SIMC1: variants seen among roughly 807,000 people sequenced by gnomAD.
The protein encoded by SIMC1 is SUMO-interacting motif-containing protein 1.
A neutral mutation model predicts 82.3 loss-of-function variants in SIMC1; 55 were observed. That is an observed-to-expected ratio of 0.67 (90% CI 0.54 to 0.84). SIMC1 has a LOEUF of 0.84. SIMC1 is among the 40% of genes least tolerant of loss of function. The probability of loss-of-function intolerance (pLI) is 0.00; values close to 1 mark genes in which losing one functional copy is unlikely to be tolerated. For missense variants in SIMC1, 915 were observed against 1,107.2 expected, an observed-to-expected ratio of 0.83 and a Z score of 2.46; for synonymous variants, 353 against 426.3, an observed-to-expected ratio of 0.83 and a Z score of 2.12.
chr5:176,296,051 A>G (rs1480924124), intron 3 of SIMC1, 200 bp from the exon 4 acceptor site: 1 of 946,740 alleles, frequency 1.1e-6, no homozygotes, highest in East Asian at 2.7e-5. Flanking sequence ...AAGCTTTCCA[A>G]AAGGGGACTG....
intron 1 of SIMC1, among the ~76,000 whole-genome samples, chr5:176,276,859 T>TG (rs1762729513): frequency 6.7e-6 from 1 of 148,590 alleles, no homozygotes; most frequent in South Asian, 2.1e-4. Context: ...GTTGGACATT[T>TG]GGGTTGGTTC....
At chr5:176,335,680 G>C (rs961012242) in intron 7 of SIMC1, among the ~76,000 whole-genome samples, 3 of 152,022 alleles carry the variant, frequency 2.0e-5, no homozygotes, top group Non-Finnish European at 2.9e-5. Flanking sequence ...GTAGATCTCT[G>C]AGTTTACCAT....
At chr5:176,291,296 T>C (rs1342884395) in intron 2 of SIMC1, among the ~76,000 whole-genome samples, 2 of 150,512 alleles carry the variant, frequency 1.3e-5, no homozygotes, top group African/African-American at 4.9e-5. Context: ...CCCTAGCAGC[T>C]GGGACTACAG....
chr5:176,304,738 TGAG>T (rs1256609184), intron 4 of SIMC1, among the ~76,000 whole-genome samples: 3 of 149,460 alleles, frequency 2.0e-5, no homozygotes, highest in Non-Finnish European at 3.0e-5. Flanking sequence ...ATCTAGGAAG[TGAG>T]GAGCGCCTCT....
At chr5:176,277,622 T>C (rs1439478081) in intron 1 of SIMC1, among the ~76,000 whole-genome samples, 2 of 152,200 alleles carry the variant, frequency 1.3e-5, no homozygotes, top group Middle Eastern at 3.4e-3. Context: ...AATTGATTTT[T>C]GTATAAGGTG....
chr5:176,305,551 T>C (rs867010436), intron 4 of SIMC1, among the ~76,000 whole-genome samples: 562 of 103,304 alleles, frequency 5.4e-3, no homozygotes, highest in Middle Eastern at 0.024. Context: ...GCCCCCCGCC[T>C]GGCCAGCCGC....
Position 176,295,138 on chromosome 5 carries a change from G to A in SIMC1, c.1540G>A (p.Val514Met). 6.2e-7 allele frequency: 1 copy of A among 1,613,574 alleles called. No individual in the cohort carries two copies. The highest frequency in any genetic ancestry group is 8.5e-7 in the Non-Finnish European group (1 of 1,179,684). ...LGTVQFLMDF[V>M]SPQHYPPREI... is the part of the protein sequence containing the mutation. ...GACTGTGCAGTTTTTGATGGACTTT[G>A]TGTCACCCCAGCATTACCCACCAAG... Residue 514 changes from valine (V) to methionine (M), a missense_variant, in exon 3 of 10, where the codon GTG becomes ATG. Coordinates refer to ENST00000429602, the MANE Select transcript of SIMC1 (RefSeq NM_001308195.2).
At chr5:176,327,783 T>G (rs780709602) in intron 7 of SIMC1, among the ~76,000 whole-genome samples, 11 of 152,206 alleles carry the variant, frequency 7.2e-5, no homozygotes, top group Non-Finnish European at 1.3e-4. Context: ...AGTGTATTAT[T>G]TTTACGAAGA....
intron 7 of SIMC1, among the ~76,000 whole-genome samples, chr5:176,333,579 A>G (rs1450055273): frequency 6.6e-6 from 1 of 151,696 alleles, no homozygotes. Flanking sequence ...ACAGGTGCGC[A>G]CCACCACGCC....
intron 4 of SIMC1, among the ~76,000 whole-genome samples, chr5:176,305,738 C>T (rs1561711006): frequency 1.3e-5 from 1 of 74,648 alleles, no homozygotes; most frequent in Non-Finnish European, 2.9e-5. Flanking sequence ...GGCCAGCCGC[C>T]CCGTCCGGGA....
intron 1 of SIMC1, among the ~76,000 whole-genome samples, chr5:176,273,193 A>G (rs984980239): frequency 1.5e-4 from 23 of 152,338 alleles, no homozygotes; most frequent in African/African-American, 5.3e-4. Context: ...GTAGAGGCTG[A>G]CTGACACCTC....
chr5:176,301,802 A>T (rs1329904389), intron 4 of SIMC1, among the ~76,000 whole-genome samples: 1 of 151,846 alleles, frequency 6.6e-6, no homozygotes, highest in East Asian at 1.9e-4. Flanking sequence ...AAGGAAAAGT[A>T]AAAAACTACA....
chr5:176,316,029 G>C (rs1302771612), intron 5 of SIMC1, among the ~76,000 whole-genome samples: 1 of 151,722 alleles, frequency 6.6e-6, no homozygotes, highest in Non-Finnish European at 1.5e-5. Context: ...ACAAAAATTA[G>C]CCAGGCATGG....
intron 1 of SIMC1, among the ~76,000 whole-genome samples, chr5:176,276,135 T>C (rs1762682196): frequency 1.3e-5 from 2 of 151,766 alleles, no homozygotes; most frequent in Non-Finnish European, 2.9e-5. Flanking sequence ...TATTGATTAT[T>C]GCCACAATTT....
At chr5:176,285,506 T>G (rs201224011) in intron 1 of SIMC1, among the ~76,000 whole-genome samples, 3 of 152,022 alleles carry the variant, frequency 2.0e-5, no homozygotes, top group Admixed American at 6.6e-5. Flanking sequence ...TAAGAGCTGT[T>G]TATGACAAAC....
intron 1 of SIMC1, among the ~76,000 whole-genome samples, chr5:176,265,438 T>G (rs943538723): frequency 6.6e-6 from 1 of 152,238 alleles, no homozygotes; most frequent in Non-Finnish European, 1.5e-5. Flanking sequence ...AAGTGGGTGA[T>G]AAGCCTCGGG....
chr5:176,329,315 C>G (rs1430265191), intron 7 of SIMC1, among the ~76,000 whole-genome samples: 2 of 151,932 alleles, frequency 1.3e-5, no homozygotes, highest in East Asian at 3.9e-4. Flanking sequence ...TCTAAAAATA[C>G]AAAAAATTAG....
chr5:176,336,661 C>T lies in SIMC1; in HGVS notation c.2172-59C>T, dbSNP rs1381683748. ...GTTGTACATTCAGGGTGAATTGTGG[C>T]TCATGTTCTTTGAAGCATAGTTGTG... On this transcript the variant is annotated intron_variant, in intron 7 of 9. Coordinates refer to ENST00000429602, the MANE Select transcript of SIMC1 (RefSeq NM_001308195.2). 19 of 1,586,050 alleles carry T rather than the reference C, an allele frequency of 1.2e-5. No individual in the cohort carries two copies. The Admixed American group carries it at 2.9e-4, about 24-fold the overall frequency.
chr5:176,338,508 A>G (rs4596403), intron 9 of SIMC1, among the ~76,000 whole-genome samples: 9,207 of 152,236 alleles, frequency 0.06, 375 homozygotes, highest in African/African-American at 0.11. Flanking sequence ...TTAGTAGATT[A>G]GATAACATTA....
Sources: allele counts gnomAD v4.1 joint callset (sites outside exome capture counted in the v4.1 genomes callset), GRCh38; gene constraint gnomAD v4.1.1; transcripts MANE v1.5; gene names NCBI Gene and HGNC (gene_info 2026-07-23, HGNC 2026-07-21).